The following EDA variants were observed in gnomAD, a reference collection of about 807,000 sequenced individuals.
EDA encodes ectodysplasin-A.
A neutral mutation model predicts 23.6 loss-of-function variants in EDA; 2 were observed. The observed-to-expected ratio is 0.08, with a 90% CI of 0.03 to 0.27. The LOEUF (loss-of-function observed/expected upper bound fraction) is 0.27, where lower values mean the gene tolerates loss of function less well. EDA is among the 10% of genes least tolerant of loss of function. The pLI is 1.00. For missense variants in EDA, 229 were observed against 324.2 expected (o/e 0.71, Z 2.26); for synonymous variants, 131 against 132.0 (o/e 0.99, Z 0.05).
At chrX:69,747,342 C>T (rs1023186785) in intron 1 of EDA, among the ~76,000 whole-genome samples, 2 of 111,841 alleles carry the variant, frequency 1.8e-5, no homozygotes, top group African/African-American at 6.5e-5. Flanking sequence ...ATTCGAAAGC[C>T]CTGAAATAAG....
At chrX:69,851,913 A>G (rs1433932923) in intron 1 of EDA, among the ~76,000 whole-genome samples, 2 of 111,951 alleles carry the variant, frequency 1.8e-5, no homozygotes, top group Non-Finnish European at 3.8e-5. Context: ...AGTCAAGATG[A>G]TTCTGATGCA....
In EDA at chrX:69,856,254, GGTGTGT is replaced by G. The variant is rs202079519; in HGVS notation, c.397-100734_397-100729del. Among the ~76,000 whole-genome samples, 366 of 74,931 alleles carry G rather than the reference GGTGTGT, an allele frequency of 4.9e-3. 2 individuals carry two copies. Among genetic ancestry groups the G allele is most frequent in the East Asian group, 0.023 (56 of 2,473 alleles). The allele number at this position is 74,931 out of a possible 115,157, so 65.1% of individuals were successfully genotyped here. ...TTTTTATGGCTGAGTAGTATTCCATGGTGTGTGTGTGTGTGTGTGTGTGTGTGTGTG... is the reference window on the plus strand; with the variant it reads ...TTTTTATGGCTGAGTAGTATTCCATGGTGTGTGTGTGTGTGTGTGTGTGTG... On this transcript the variant is annotated intron_variant, in intron 1 of 7. Coordinates refer to ENST00000374552, the MANE Select transcript of EDA (RefSeq NM_001399.5).
At chrX:69,735,168 A>G (rs1035882382) in intron 1 of EDA, among the ~76,000 whole-genome samples, 2 of 110,737 alleles carry the variant, frequency 1.8e-5, no homozygotes, top group African/African-American at 3.3e-5. Flanking sequence ...GTGTGTTTGT[A>G]TGTATACACA....
At chrX:69,666,267 C>T (rs1933678250) in intron 1 of EDA, among the ~76,000 whole-genome samples, 1 of 111,853 alleles carries the variant, frequency 8.9e-6, no homozygotes, top group African/African-American at 3.2e-5. Flanking sequence ...TTCTTCCTTT[C>T]TTATTTGGGT....
At chrX:69,819,261 C>T (rs1433538306) in intron 1 of EDA, among the ~76,000 whole-genome samples, 2 of 112,052 alleles carry the variant, frequency 1.8e-5, no homozygotes, top group Non-Finnish European at 3.8e-5. Context: ...TAGCCAGTAT[C>T]ATACTGAATG....
At chrX:69,747,301 A>G (rs2013653243) in intron 1 of EDA, among the ~76,000 whole-genome samples, 1 of 112,273 alleles carries the variant, frequency 8.9e-6, no homozygotes, top group African/African-American at 3.2e-5. Context: ...GAGCCAGGAG[A>G]GAAACAGTAT....
intron 1 of EDA, among the ~76,000 whole-genome samples, chrX:69,784,588 G>T (rs1443818788): frequency 1.9e-5 from 2 of 104,640 alleles, no homozygotes; most frequent in Non-Finnish European, 2.0e-5. Context: ...GTTTGTCAAA[G>T]ATCAGATAGT....
chrX:69,973,765 G>A (rs1409596512), intron 2 of EDA, among the ~76,000 whole-genome samples: 1 of 111,468 alleles, frequency 9.0e-6, no homozygotes, highest in African/African-American at 3.3e-5. Context: ...ATATTAAACA[G>A]CAACCAAACC....
At chrX:69,713,409 T>C (rs1330544692) in intron 1 of EDA, among the ~76,000 whole-genome samples, 1 of 111,672 alleles carries the variant, frequency 9.0e-6, no homozygotes, top group Non-Finnish European at 1.9e-5. Context: ...TACAATCTTA[T>C]CTGTGTAGCC....
At chrX:69,639,373 G>T (rs950615792) in intron 1 of EDA, among the ~76,000 whole-genome samples, 3 of 111,328 alleles carry the variant, frequency 2.7e-5, no homozygotes, top group African/African-American at 9.8e-5. Context: ...AATAATTTTC[G>T]CATTTTTACC....
At chrX:69,847,216 C>T (rs2017026325) in intron 1 of EDA, among the ~76,000 whole-genome samples, 1 of 111,395 alleles carries the variant, frequency 9.0e-6, no homozygotes, top group Non-Finnish European at 1.9e-5. Flanking sequence ...GGTATCTGCT[C>T]CTCAGTGGCC....
chrX:69,962,796 G>T (rs2019120556), intron 2 of EDA, among the ~76,000 whole-genome samples: 1 of 112,227 alleles, frequency 8.9e-6, no homozygotes, highest in Non-Finnish European at 1.9e-5. Flanking sequence ...GAACACACTA[G>T]TATGGTGTGC....
intron 2 of EDA, among the ~76,000 whole-genome samples, chrX:70,022,631 C>T (rs891634694): frequency 2.9e-4 from 32 of 111,374 alleles, no homozygotes; most frequent in Admixed American, 2.4e-3. Context: ...CCACCACCCC[C>T]GGCCGACATT....
intron 1 of EDA, chrX:69,617,627 A>T: frequency 3.8e-6 from 1 of 264,018 alleles, no homozygotes; most frequent in Non-Finnish European, 7.0e-6. Context: ...AATTTCGTTC[A>T]CTTAACGTAA....
chrX:69,824,513 G>C (rs1352164213), intron 1 of EDA, among the ~76,000 whole-genome samples: 1 of 110,284 alleles, frequency 9.1e-6, no homozygotes, highest in Admixed American at 9.7e-5. Context: ...TGCTGTTGGT[G>C]TATAAGAATG....
chrX:70,011,296 CA>C (rs2019871680), intron 2 of EDA, among the ~76,000 whole-genome samples: 1 of 110,133 alleles, frequency 9.1e-6, no homozygotes, highest in African/African-American at 3.3e-5. Flanking sequence ...CACATATCCA[CA>C]TACTACAATC....
intron 2 of EDA, among the ~76,000 whole-genome samples, chrX:70,008,751 A>G (rs1287073192): frequency 9.0e-6 from 1 of 111,160 alleles, no homozygotes; most frequent in Non-Finnish European, 1.9e-5. Flanking sequence ...CAGGTTTGCT[A>G]TATGGGTATA....
chrX:69,762,929 TGTTA>T (rs2014358367), intron 1 of EDA, among the ~76,000 whole-genome samples: 1 of 112,262 alleles, frequency 8.9e-6, no homozygotes, highest in Non-Finnish European at 1.9e-5. Flanking sequence ...CTACTTTTAC[TGTTA>T]GTTAGAAATA....
At chrX:69,632,271 G>T (rs1932628924) in intron 1 of EDA, among the ~76,000 whole-genome samples, 1 of 111,492 alleles carries the variant, frequency 9.0e-6, no homozygotes, top group Non-Finnish European at 1.9e-5. Context: ...CTCTTGTGGG[G>T]CTGGCTTGAC....
Sources: allele counts gnomAD v4.1 joint callset (sites outside exome capture counted in the v4.1 genomes callset), GRCh38; gene constraint gnomAD v4.1.1; transcripts MANE v1.5; gene names NCBI Gene and HGNC (gene_info 2026-07-23, HGNC 2026-07-21).